UQCC1: variants seen among roughly 807,000 people sequenced by gnomAD.
UQCC1 encodes the protein bFGF-repressed Zic-binding protein.
UQCC1 carries 38 observed loss-of-function variants against 48.0 expected under a neutral mutation model. The ratio of observed to expected loss-of-function variants is 0.79; its 90% CI spans 0.61 to 1.04. UQCC1 has a LOEUF of 1.04. Among genes scored for constraint, UQCC1 ranks in the 50% least tolerant of loss-of-function variants. The pLI is 0.00. For synonymous variants in UQCC1, 111 were observed against 129.2 expected (o/e 0.86, Z 0.95); for missense variants, 368 against 381.8 (o/e 0.96, Z 0.30).
chr20:35,360,700 C>T (rs926040400), intron 6 of UQCC1, among the ~76,000 whole-genome samples: 36 of 152,274 alleles, frequency 2.4e-4, no homozygotes, highest in Admixed American at 3.3e-4. Flanking sequence ...CCCCCTTCCC[C>T]CGTGATCCCA....
intron 6 of UQCC1, among the ~76,000 whole-genome samples, chr20:35,366,116 T>C (rs992343376): frequency 2.0e-5 from 3 of 152,242 alleles, no homozygotes; most frequent in African/African-American, 4.8e-5. Context: ...TGAAGCTAAC[T>C]TGTATGCACA....
At chr20:35,305,861 G>A (rs1254609613) in intron 9 of UQCC1, among the ~76,000 whole-genome samples, 1 of 152,218 alleles carries the variant, frequency 6.6e-6, no homozygotes, top group Non-Finnish European at 1.5e-5. Context: ...GGCACAGCCT[G>A]AGCTGTCTGA....
At chr20:35,346,774 G>C (rs1032673158) in intron 7 of UQCC1, 3 of 488,238 alleles carry the variant, frequency 6.1e-6, no homozygotes, top group Non-Finnish European at 1.1e-5. Context: ...CCCCATACCA[G>C]GGCCTCCCAT....
At chr20:35,356,825 A>T (rs1400161438) in intron 6 of UQCC1, among the ~76,000 whole-genome samples, 1 of 152,210 alleles carries the variant, frequency 6.6e-6, no homozygotes, top group African/African-American at 2.4e-5. Context: ...AAGCTTCAAA[A>T]CTAGCATCAT....
chr20:35,321,681 C>A (rs1016490534), intron 7 of UQCC1, among the ~76,000 whole-genome samples: 12 of 152,252 alleles, frequency 7.9e-5, no homozygotes, highest in African/African-American at 2.6e-4. Flanking sequence ...AAAGTGAGGT[C>A]CTGTCTCTAC....
chr20:35,314,829 G>C (rs1600858341), intron 7 of UQCC1, 64 bp from the exon 8 acceptor site: 1 of 1,337,922 alleles, frequency 7.5e-7, no homozygotes, highest in East Asian at 2.4e-5. Flanking sequence ...CAAAAAGTAT[G>C]ATCTTTGACT....
intron 1 of UQCC1, among the ~76,000 whole-genome samples, chr20:35,403,004 T>G (rs567494852): frequency 8.6e-5 from 13 of 151,718 alleles, no homozygotes; most frequent in South Asian, 2.1e-4. Context: ...GAGGCGGAGG[T>G]TGCAGTGACC....
intron 4 of UQCC1, among the ~76,000 whole-genome samples, chr20:35,378,366 C>G (rs2061827083): frequency 6.6e-6 from 1 of 152,154 alleles, no homozygotes; most frequent in Admixed American, 6.5e-5. Flanking sequence ...GTAATCCCAG[C>G]ACTTTGAGAG....
At chr20:35,349,418 G>A (rs1448508355) in intron 6 of UQCC1, among the ~76,000 whole-genome samples, 1 of 152,162 alleles carries the variant, frequency 6.6e-6, no homozygotes, top group Non-Finnish European at 1.5e-5. Context: ...GGCTTAAGTT[G>A]ATATTATGTG....
chr20:35,359,904 C>T (rs554204305), intron 6 of UQCC1, among the ~76,000 whole-genome samples: 2 of 152,302 alleles, frequency 1.3e-5, no homozygotes, highest in East Asian at 3.9e-4. Flanking sequence ...TTCCCAAACT[C>T]CCTCACTATG....
chr20:35,394,161 T>C lies in UQCC1; in HGVS notation c.60A>G (p.Val20=), dbSNP rs1288662625. Residue 20 remains valine (V), a synonymous_variant, in exon 2 of 10, where the codon GTA becomes GTG. Coordinates refer to ENST00000374385, the MANE Select transcript of UQCC1 (RefSeq NM_018244.5). ...GAGACACAGGTATCAATCGGCTGCA[T>C]ACTGGAACCCACTGAGAAATGCTAG... The part of the protein sequence containing the change: ...NQTSISQWVP[V]CSRLIPVSPT... 2 of 1,614,102 alleles carry C rather than the reference T, an allele frequency of 1.2e-6. No homozygotes were observed. Among genetic ancestry groups the C allele is most frequent in the East Asian group, 2.2e-5 (1 of 44,884 alleles).
intron 1 of UQCC1, among the ~76,000 whole-genome samples, chr20:35,407,562 T>C (rs2062270630): frequency 1.3e-5 from 2 of 152,190 alleles, no homozygotes; most frequent in Non-Finnish European, 2.9e-5. Context: ...ATGCAAATCA[T>C]ATATCTGATG....
rs568090145 is a variant in UQCC1, at chr20:35,364,751, T to C, written c.464+1806A>G. On this transcript the variant is annotated intron_variant, in intron 6 of 9. Coordinates refer to ENST00000374385, the MANE Select transcript of UQCC1 (RefSeq NM_018244.5). ...GCACAGTTTGGAAACTTTAAAGAACTATAAGTAGTTTCAAGGTTCTCCCAT... is the reference window on the plus strand; with the variant it reads ...GCACAGTTTGGAAACTTTAAAGAACCATAAGTAGTTTCAAGGTTCTCCCAT... Among the ~76,000 whole-genome samples, 4 of 152,346 alleles carry C rather than the reference T, an allele frequency of 2.6e-5. No homozygotes were observed. In the South Asian group the frequency reaches 8.3e-4, roughly 32 times the overall value.
chr20:35,395,493 G>A (rs1032597296), intron 1 of UQCC1, among the ~76,000 whole-genome samples: 4 of 151,538 alleles, frequency 2.6e-5, no homozygotes, highest in Non-Finnish European at 4.4e-5. Flanking sequence ...TGGTTGAAAG[G>A]GGCTTATTAT....
At chr20:35,405,310 A>T (rs892996113) in intron 1 of UQCC1, among the ~76,000 whole-genome samples, 2 of 152,234 alleles carry the variant, frequency 1.3e-5, no homozygotes, top group African/African-American at 4.8e-5. Context: ...CAAAGAATAC[A>T]GACTACAGAA....
chr20:35,316,364 C>T (rs1258500111), intron 7 of UQCC1, among the ~76,000 whole-genome samples: 1 of 152,128 alleles, frequency 6.6e-6, no homozygotes, highest in African/African-American at 2.4e-5. Flanking sequence ...TGCCTTGTGT[C>T]ACACAGCAAA....
At chr20:35,397,443 G>A (rs1185267804) in intron 1 of UQCC1, among the ~76,000 whole-genome samples, 1 of 148,046 alleles carries the variant, frequency 6.8e-6, no homozygotes, top group Non-Finnish European at 1.5e-5. Context: ...ATGAACCCGG[G>A]AGGCGGAGCT....
At chr20:35,350,191 A>G (rs1259838604) in intron 6 of UQCC1, among the ~76,000 whole-genome samples, 1 of 152,134 alleles carries the variant, frequency 6.6e-6, no homozygotes, top group East Asian at 1.9e-4. Context: ...GCAGTGACAC[A>G]ATCATAGCCC....
intron 4 of UQCC1, among the ~76,000 whole-genome samples, chr20:35,379,059 T>G (rs1017809438): frequency 2.0e-5 from 3 of 152,206 alleles, no homozygotes; most frequent in African/African-American, 7.2e-5. Context: ...GAATAACTTT[T>G]TGGCTTAATG....
Sources: allele counts gnomAD v4.1 joint callset (sites outside exome capture counted in the v4.1 genomes callset), GRCh38; gene constraint gnomAD v4.1.1; transcripts MANE v1.5; gene names NCBI Gene and HGNC (gene_info 2026-07-23, HGNC 2026-07-21).